Variants in GPHN observed in about 807,000 individuals in gnomAD.
GPHN encodes the protein gephyrin.
GPHN carries 17 observed loss-of-function variants against 95.5 expected under a neutral mutation model. The ratio of observed to expected loss-of-function variants is 0.18; its 90% confidence interval spans 0.12 to 0.27. The LOEUF (loss-of-function observed/expected upper bound fraction) is 0.27. Ranked by LOEUF, GPHN falls within the 10% of genes least tolerant of loss-of-function variation. GPHN has a pLI of 1.00. For synonymous variants in GPHN, 320 were observed against 322.5 expected, an observed-to-expected ratio of 0.99 and a Z score of 0.08; for missense variants, 660 against 978.1, an observed-to-expected ratio of 0.67 and a Z score of 4.34.
chr14:67,132,277 C>T (rs966520141), intron 17 of GPHN, among the ~76,000 whole-genome samples: 4 of 152,140 alleles, frequency 2.6e-5, no homozygotes, highest in Non-Finnish European at 5.9e-5. Flanking sequence ...CCAAACACAT[C>T]CTAATTTTTC....
the GPHN span, chr14:67,280,098 A>G: frequency 6.6e-6 from 1 of 152,258 alleles, no homozygotes; most frequent in African/African-American, 2.4e-5. Flanking sequence ...AACCAAAAGA[A>G]TTCTGTGACC....
At chr14:67,312,855 C>G in the GPHN span, 1 of 594,356 alleles carries the variant, frequency 1.7e-6, no homozygotes, top group Non-Finnish European at 2.7e-6. Flanking sequence ...TTATGTTGTA[C>G]CTGCAGCGTA....
chr14:66,920,829 A>G (rs1269423869), intron 6 of GPHN, among the ~76,000 whole-genome samples: 1 of 152,028 alleles, frequency 6.6e-6, no homozygotes, highest in Non-Finnish European at 1.5e-5. Flanking sequence ...GCTCCCACAT[A>G]TCAGTGAAAA....
At chr14:67,670,020 G>A in the GPHN span, among the ~76,000 whole-genome samples, 2 of 152,136 alleles carry the variant, frequency 1.3e-5, no homozygotes, top group Admixed American at 6.5e-5. Context: ...ACCTGAGCCC[G>A]GGAAGCCAAG....
the GPHN span, chr14:67,364,520 T>A: frequency 2.6e-6 from 1 of 386,406 alleles, no homozygotes; most frequent in Admixed American, 4.3e-5. Context: ...TTATGATTCC[T>A]CTGAAACTAA....
the GPHN span, among the ~76,000 whole-genome samples, chr14:67,393,826 T>A: frequency 9.9e-5 from 15 of 152,120 alleles, no homozygotes; most frequent in Non-Finnish European, 1.8e-4. Flanking sequence ...AAGATGTTTA[T>A]CTAACCTCCC....
chr14:67,492,042 G>A, the GPHN span, among the ~76,000 whole-genome samples: 1 of 152,116 alleles, frequency 6.6e-6, no homozygotes, highest in Non-Finnish European at 1.5e-5. Flanking sequence ...ACTGTCTTCT[G>A]TCTCACTTGG....
intron 1 of GPHN, among the ~76,000 whole-genome samples, chr14:66,571,316 ACCT>A (rs1208023564): frequency 3.3e-5 from 5 of 151,996 alleles, no homozygotes; most frequent in African/African-American, 1.2e-4. Context: ...TGATCCAGTC[ACCT>A]CCTATCAGAT....
chr14:66,660,496 C>T (rs140851901), intron 1 of GPHN, among the ~76,000 whole-genome samples: 2,024 of 152,102 alleles, frequency 0.013, 20 homozygotes, highest in Middle Eastern at 0.021. Flanking sequence ...GGTTGGTATG[C>T]TGGTAAAAAG....
At chr14:67,059,846 C>T (rs573755186) in intron 11 of GPHN, among the ~76,000 whole-genome samples, 4 of 151,220 alleles carry the variant, frequency 2.6e-5, no homozygotes, top group Admixed American at 1.3e-4. Flanking sequence ...AGGCTTAAAT[C>T]GTTTGTTTTT....
chr14:67,491,824 T>C, the GPHN span, among the ~76,000 whole-genome samples: 2 of 152,194 alleles, frequency 1.3e-5, no homozygotes, highest in Non-Finnish European at 1.5e-5. Context: ...GCAATCAGTA[T>C]TCCAGATTCC....
At chr14:66,774,938 A>G (rs1270289274) in intron 2 of GPHN, among the ~76,000 whole-genome samples, 2 of 152,212 alleles carry the variant, frequency 1.3e-5, no homozygotes, top group Admixed American at 6.5e-5. Context: ...AGGTCTGCTC[A>G]GATACTACAC....
chr14:66,699,676 T>C (rs989603907), intron 2 of GPHN, among the ~76,000 whole-genome samples: 9 of 152,204 alleles, frequency 5.9e-5, no homozygotes, highest in African/African-American at 2.2e-4. Context: ...GATTACTTCC[T>C]GGCTCTTCAA....
chr14:67,259,880 GAAAAAA>G, the GPHN span, among the ~76,000 whole-genome samples: 1 of 111,946 alleles, frequency 8.9e-6, no homozygotes, highest in Non-Finnish European at 2.1e-5. Flanking sequence ...CTCCATCTAA[GAAAAAA>G]AAAAAAAAAA....
chr14:67,330,607 C>T, the GPHN span, among the ~76,000 whole-genome samples: 6 of 151,926 alleles, frequency 3.9e-5, no homozygotes, highest in African/African-American at 1.4e-4. Flanking sequence ...TATAGGCATG[C>T]ACCACCACGC....
At chr14:67,296,228 G>A in the GPHN span, among the ~76,000 whole-genome samples, 3 of 152,142 alleles carry the variant, frequency 2.0e-5, no homozygotes, top group South Asian at 2.1e-4. Context: ...CATGCTCAAA[G>A]GGTACAGAGG....
At chr14:67,373,937 G>A in the GPHN span, among the ~76,000 whole-genome samples, 5 of 151,762 alleles carry the variant, frequency 3.3e-5, no homozygotes, top group African/African-American at 1.2e-4. Context: ...TTCCTATTCT[G>A]GAGAAGGAAA....
chr14:67,720,451 T>G, the GPHN span, among the ~76,000 whole-genome samples: 9 of 152,234 alleles, frequency 5.9e-5, no homozygotes, highest in Admixed American at 5.9e-4. Flanking sequence ...GTGGTTCTTC[T>G]TAATACTTCA....
At chr14:67,595,471 T>C in the GPHN span, among the ~76,000 whole-genome samples, 2 of 152,218 alleles carry the variant, frequency 1.3e-5, no homozygotes, top group African/African-American at 2.4e-5. Flanking sequence ...TAGCAGATAC[T>C]ATGGCTTGCC....
Sources: allele counts gnomAD v4.1 joint callset (sites outside exome capture counted in the v4.1 genomes callset), GRCh38; gene constraint gnomAD v4.1.1; transcripts MANE v1.5; gene names NCBI Gene and HGNC (gene_info 2026-07-23, HGNC 2026-07-21).